RIPK2: variants seen among roughly 807,000 people sequenced by gnomAD.
RIPK2 encodes the protein receptor-interacting serine/threonine-protein kinase 2.
Under a neutral mutation model 60.9 loss-of-function variants are expected in RIPK2, and 38 were observed. That is an observed-to-expected ratio of 0.62 (90% CI 0.48 to 0.82). The LOEUF (loss-of-function observed/expected upper bound fraction) is 0.82, where lower values mean the gene tolerates loss of function less well. RIPK2 is among the 40% of genes least tolerant of loss of function. The probability of loss-of-function intolerance (pLI) is 0.00; values close to 1 mark genes in which losing one functional copy is unlikely to be tolerated. For missense variants in RIPK2, 518 were observed against 647.0 expected (o/e 0.80, Z 2.16); for synonymous variants, 225 against 223.4 (o/e 1.01, Z -0.06).
In RIPK2 at chr8:89,776,652, C is replaced by T. The variant is rs150202296; in HGVS notation, c.854-3423C>T. Among the ~76,000 whole-genome samples the T allele has an allele frequency of 1.5e-3, 225 of 152,288 alleles. 3 individuals are homozygous for T. Among genetic ancestry groups the T allele is most frequent in the African/African-American group, 5.1e-3 (212 of 41,550 alleles). On this transcript the variant is annotated intron_variant, in intron 6 of 10. Transcript: ENST00000220751. ...ACTTCATGAACCCTCAGGAACCACC[C>T]CCGCCAGGGGTCCCTGGACCACACT... is the stretch of plus-strand genomic sequence containing the variant.
intron 4 of RIPK2, among the ~76,000 whole-genome samples, chr8:89,770,991 A>T (rs903943301): frequency 2.6e-5 from 4 of 151,830 alleles, no homozygotes; most frequent in African/African-American, 7.2e-5. Flanking sequence ...ATCATGTTCT[A>T]CCCAACAATT....
At position 89,765,333 on chromosome 8, in the gene RIPK2, A is replaced by G. The variant is rs780109157; in HGVS notation, c.328-8A>G. 9.4e-6 allele frequency: 15 copies of G among 1,591,796 alleles called. No individual in the cohort carries two copies. In the South Asian group the frequency reaches 1.5e-4, roughly 16 times the overall value. On this transcript the variant is annotated splice_polypyrimidine_tract_variant and splice_region_variant and intron_variant, in intron 2 of 10. Coordinates refer to ENST00000220751, the MANE Select transcript of RIPK2 (RefSeq NM_003821.6). ...TTTCATTTTCTTTCTTTTCACATAT[A>G]TATGAAGAAAACTGAATATCCTGAT...
chr8:89,765,510 T>A lies in RIPK2; in HGVS notation c.483+14T>A, dbSNP rs78006650. 4,503 of 1,512,082 alleles carry A rather than the reference T, an allele frequency of 3.0e-3. 108 individuals are homozygous for A. The African/African-American group carries it at 0.051, about 17-fold the overall frequency. 93.7% of individuals were successfully genotyped at this position (1,512,082 alleles called of 1,614,324 possible). A position where few individuals can be genotyped will look rare whatever the true frequency, so the allele number is the denominator to read the frequency against. ...TTTCATGTTAAGGTAATTACTTTTT[T>A]AAAAAGTTTATGTTTCCTTGTCCTT... On this transcript the variant is annotated intron_variant, in intron 3 of 10. Coordinates refer to ENST00000220751, the MANE Select transcript of RIPK2 (RefSeq NM_003821.6).
intron 1 of RIPK2, among the ~76,000 whole-genome samples, chr8:89,761,100 T>G (rs60183011): frequency 0.058 from 8,831 of 152,290 alleles, 781 homozygotes; most frequent in African/African-American, 0.19. Flanking sequence ...TTAAGACATA[T>G]AAATATATGA....
At position 89,758,087 on chromosome 8, in the gene RIPK2, C is replaced by T. The variant is rs2293809; in HGVS notation, c.27C>T (p.Ala9=). ...TGAACGGGGAGGCCATCTGCAGCGC[C>T]CTGCCCACCATTCCCTACCACAAAC... MNGEAICS[A]LPTIPYHKLA... Residue 9 remains alanine, a synonymous_variant, in exon 1 of 11, where the codon GCC becomes GCT. Transcript: ENST00000220751. 0.048 allele frequency: 77,215 copies of T among 1,606,006 alleles called. 3,277 individuals carry two copies. Among genetic ancestry groups the T allele is most frequent in the East Asian group, 0.22 (9,847 of 44,380 alleles).
intron 1 of RIPK2, among the ~76,000 whole-genome samples, chr8:89,762,594 C>T (rs2130543894): frequency 6.6e-6 from 1 of 152,194 alleles, no homozygotes; most frequent in Admixed American, 6.5e-5. Flanking sequence ...GTGTTTAGCA[C>T]TTTTACCTGT....
intron 7 of RIPK2, among the ~76,000 whole-genome samples, chr8:89,781,362 T>TTTTTC (rs1809497221): frequency 4.0e-5 from 1 of 25,292 alleles, no homozygotes; most frequent in African/African-American, 2.8e-4. Context: ...GAATTTTTTT[T>TTTTTC]TTTTTTTTTT....
At chr8:89,777,226 C>G (rs1809413674) in intron 6 of RIPK2, among the ~76,000 whole-genome samples, 1 of 152,166 alleles carries the variant, frequency 6.6e-6, no homozygotes. Context: ...AAATCTTGAG[C>G]ATAGGAGAAA....
intron 2 of RIPK2, among the ~76,000 whole-genome samples, chr8:89,763,805 C>T (rs428484): frequency 0.41 from 62,522 of 151,972 alleles, 13,261 homozygotes; most frequent in Non-Finnish European, 0.48. Flanking sequence ...TGACTTGTGA[C>T]CATTTGAAAC....
intron 8 of RIPK2, among the ~76,000 whole-genome samples, chr8:89,786,294 C>T (rs1365301705): frequency 2.0e-5 from 3 of 151,760 alleles, no homozygotes; most frequent in Non-Finnish European, 1.5e-5. Flanking sequence ...GGCAACGTAG[C>T]GAAACCCCAT....
At chr8:89,774,271 A>G (rs1383815966) in intron 6 of RIPK2, among the ~76,000 whole-genome samples, 1 of 152,222 alleles carries the variant, frequency 6.6e-6, no homozygotes, top group Non-Finnish European at 1.5e-5. Flanking sequence ...GAGATATACA[A>G]ATAGCTAAAA....
intron 3 of RIPK2, among the ~76,000 whole-genome samples, chr8:89,767,529 GA>G (rs1199298355): frequency 3.3e-5 from 5 of 151,296 alleles, no homozygotes; most frequent in African/African-American, 1.2e-4. Context: ...GTATTGCTAA[GA>G]AAAAAAGAGA....
rs1436458833 is a variant in RIPK2 at position 89,786,668 on chromosome 8, G to T, written c.1105G>T (p.Asp369Tyr). Residue 369 changes from aspartate to tyrosine, a missense_variant, in exon 9 of 11, where the codon GAC becomes TAC. Asp to Tyr is a radical substitution (Grantham distance 160). This residue lies in a region of RIPK2 where 448 missense variants were observed against 534.7 expected (regional missense o/e 0.84). Transcript: ENST00000220751. Reference sequence around the variant, plus strand: ...TTCAAGGTCCCTGCCAGCTCCTCAAGACAATGATTTTTTATCTAGTATGTA... The same window carrying T: ...TTCAAGGTCCCTGCCAGCTCCTCAATACAATGATTTTTTATCTAGTATGTA... ...ETSRSLPAPQDNDFLSRKAQD... is the reference protein window; with the variant it reads ...ETSRSLPAPQYNDFLSRKAQD... 3 of 1,581,204 alleles carry T rather than the reference G, an allele frequency of 1.9e-6. No homozygotes were observed. The African/African-American group carries it at 4.2e-5, about 22-fold the overall frequency.
Position 89,765,349 on chromosome 8 carries a change from A to G in RIPK2, c.336A>G (p.Glu112=), listed in dbSNP as rs1809209903. 3.7e-6 allele frequency: 6 copies of G among 1,604,716 alleles called. No individual in the cohort carries two copies. The highest frequency in any genetic ancestry group is 4.3e-6 in the Non-Finnish European group (5 of 1,175,198). ...SLNELLHRKT[E]YPDVAWPLRF... The stretch of plus-strand genomic sequence containing the variant: ...TTCACATATATATGAAGAAAACTGA[A>G]TATCCTGATGTTGCTTGGCCATTGA... Residue 112 remains glutamate, a synonymous_variant, in exon 3 of 11, where the codon GAA becomes GAG. Transcript: ENST00000220751.
chr8:89,790,026 T>G (rs1055780229), intron 10 of RIPK2, 53 bp from the exon 11 acceptor site: 2 of 1,238,764 alleles, frequency 1.6e-6, no homozygotes, highest in African/African-American at 3.0e-5. Context: ...TTTTACTTAT[T>G]GCTATGTATC....
At chr8:89,762,405 A>C (rs558403373) in intron 1 of RIPK2, among the ~76,000 whole-genome samples, 1 of 152,282 alleles carries the variant, frequency 6.6e-6, no homozygotes, top group South Asian at 2.1e-4. Context: ...GAAAATGTTT[A>C]TATGGTATGC....
chr8:89,776,900 A>G (rs181113238), intron 6 of RIPK2, among the ~76,000 whole-genome samples: 2 of 152,350 alleles, frequency 1.3e-5, no homozygotes, highest in East Asian at 1.9e-4. Context: ...AAGACACTAA[A>G]TATCAGGAAA....
chr8:89,772,596 T>G (rs891727985), intron 5 of RIPK2, 71 bp from the exon 6 acceptor site: 4 of 1,096,752 alleles, frequency 3.6e-6, no homozygotes, highest in Non-Finnish European at 5.2e-6. Context: ...TTCTTTTAGT[T>G]AGTTTTAGAT....
Position 89,790,383 on chromosome 8 carries a change from A to G in RIPK2, c.1590A>G (p.Pro530=), listed in dbSNP as rs186397742. The change falls in exon 11 of 11, where the codon CCA becomes CCG. Residue 530 remains proline, a synonymous_variant. Transcript: ENST00000220751. The part of the protein sequence containing the change: ...YPEILVVSRS[P]SLNLLQNKSM Reference sequence around the variant, plus strand: ...AAATACTTGTGGTTTCTAGATCACCATCTTTAAATTTACTTCAAAATAAAA... The same window carrying G: ...AAATACTTGTGGTTTCTAGATCACCGTCTTTAAATTTACTTCAAAATAAAA... 1.0e-4 allele frequency: 164 copies of G among 1,601,724 alleles called. No homozygotes were observed. The East Asian group carries it at 3.3e-3, about 32-fold the overall frequency.
Sources: gnomAD v4.1 joint callset for allele counts (sites outside exome capture counted in the v4.1 genomes callset) on GRCh38, gnomAD v4.1.1 for gene constraint, gnomAD v4.1.1 regional missense constraint, MANE v1.5 for transcripts, NCBI Gene and HGNC (gene_info 2026-07-23, HGNC 2026-07-21) for gene names.